RIPOR2: variants seen among roughly 807,000 people sequenced by gnomAD.
RIPOR2 encodes the protein RHO family interacting cell polarization regulator 2.
A neutral mutation model predicts 114.5 loss-of-function variants in RIPOR2; 39 were observed. That is an observed-to-expected ratio of 0.34 (90% CI 0.26 to 0.44). RIPOR2 has a LOEUF of 0.44. Ranked by LOEUF, RIPOR2 falls within the 20% of genes least tolerant of loss-of-function variation. RIPOR2 has a pLI of 1.00. For missense variants in RIPOR2, 1,007 were observed against 1,255.1 expected (o/e 0.80, Z 2.99); for synonymous variants, 445 against 484.4 (o/e 0.92, Z 1.07).
intron 1 of RIPOR2, among the ~76,000 whole-genome samples, chr6:24,988,459 C>A (rs1774635880): frequency 6.6e-6 from 1 of 152,194 alleles, no homozygotes. Context: ...CAGGCATGAG[C>A]CACCACGCCC....
At chr6:24,968,755 C>T (rs1262666166) in intron 1 of RIPOR2, among the ~76,000 whole-genome samples, 1 of 152,140 alleles carries the variant, frequency 6.6e-6, no homozygotes. Context: ...AATTCTGTGC[C>T]CTAGCATCTT....
At chr6:24,966,812 A>C (rs1276335687) in intron 1 of RIPOR2, among the ~76,000 whole-genome samples, 2 of 152,196 alleles carry the variant, frequency 1.3e-5, no homozygotes, top group African/African-American at 4.8e-5. Flanking sequence ...CCATGCAAAG[A>C]ATTTGTATCT....
At chr6:24,862,968 T>C (rs1369775638) in intron 7 of RIPOR2, among the ~76,000 whole-genome samples, 1 of 152,168 alleles carries the variant, frequency 6.6e-6, no homozygotes, top group Non-Finnish European at 1.5e-5. Context: ...TTTTTGTTTT[T>C]TTGAGATAGA....
chr6:25,018,551 G>T (rs747061733), intron 1 of RIPOR2, among the ~76,000 whole-genome samples: 2 of 152,024 alleles, frequency 1.3e-5, no homozygotes, highest in Non-Finnish European at 2.9e-5. Flanking sequence ...CAAACACAAT[G>T]TATTTATTTA....
chr6:24,976,048 T>C (rs1774023528), intron 1 of RIPOR2, among the ~76,000 whole-genome samples: 1 of 152,160 alleles, frequency 6.6e-6, no homozygotes, highest in African/African-American at 2.4e-5. Context: ...TATTAACACC[T>C]AAAGAAATGC....
At chr6:24,967,413 T>C (rs1287744130) in intron 1 of RIPOR2, among the ~76,000 whole-genome samples, 1 of 152,184 alleles carries the variant, frequency 6.6e-6, no homozygotes, top group Non-Finnish European at 1.5e-5. Flanking sequence ...AATCACAGTA[T>C]GGTGGAAGGA....
intron 1 of RIPOR2, among the ~76,000 whole-genome samples, chr6:24,995,768 C>T (rs1312708286): frequency 6.6e-6 from 1 of 151,916 alleles, no homozygotes; most frequent in African/African-American, 2.4e-5. Context: ...ATCTAACATC[C>T]CAAATCTACT....
At chr6:24,901,240 C>T (rs1768409359) in intron 1 of RIPOR2, among the ~76,000 whole-genome samples, 1 of 152,118 alleles carries the variant, frequency 6.6e-6, no homozygotes, top group South Asian at 2.1e-4. Flanking sequence ...TTTTTCAGTA[C>T]CTTTAGCCTG....
chr6:24,861,995 C>A lies in RIPOR2; in HGVS notation c.652-959G>T, dbSNP rs146500274. On this transcript the variant is annotated intron_variant, in intron 7 of 21. Transcript: ENST00000643898. ...CAGACTTCCTACTGCAAACCTACAG[C>A]GCCCCAAAAATTATTTTTGGGTCTG... Among the ~76,000 whole-genome samples the A allele has an allele frequency of 1.5e-4, 23 of 152,300 alleles. No individual in the cohort carries two copies. The East Asian group carries it at 4.4e-3, about 29-fold the overall frequency.
At chr6:25,023,518 G>A (rs1776432445) in intron 1 of RIPOR2, 2 of 772,542 alleles carry the variant, frequency 2.6e-6, no homozygotes, top group Non-Finnish European at 4.7e-6. Flanking sequence ...GGCTATGCCA[G>A]AAAGCGGTGT....
intron 1 of RIPOR2, among the ~76,000 whole-genome samples, chr6:24,966,500 C>T (rs1352314473): frequency 6.6e-6 from 1 of 152,186 alleles, no homozygotes; most frequent in African/African-American, 2.4e-5. Flanking sequence ...CGTGTTGGGT[C>T]CCTGCCGAGT....
chr6:24,851,659 C>T (rs889732185), intron 9 of RIPOR2, among the ~76,000 whole-genome samples: 5 of 151,468 alleles, frequency 3.3e-5, no homozygotes, highest in South Asian at 2.1e-4. Context: ...CTTTTTGGAG[C>T]ACATTTTTAC....
rs1315453762 is a variant in RIPOR2 at position 24,873,778 on chromosome 6, A to G, written c.210T>C (p.Asn70=). 1.9e-6 allele frequency: 3 copies of G among 1,611,760 alleles called. 1 individual carries two copies. Among genetic ancestry groups the G allele is most frequent in the Admixed American group, 3.4e-5 (2 of 59,394 alleles). Residue 70 remains asparagine, a synonymous_variant, in exon 3 of 22, where the codon AAT becomes AAC. Transcript: ENST00000643898. ...RRSRCNSFIE[N]SSALKKPQAK... is the part of the protein sequence containing the mutation. ...CCTGAGGCTTCTTGAGAGCGGAGGA[A>G]TTTTCAATGAAGGAGTTACACCTAT...
intron 2 of RIPOR2, among the ~76,000 whole-genome samples, chr6:24,875,400 A>G (rs1239055253): frequency 6.6e-6 from 1 of 152,222 alleles, no homozygotes; most frequent in East Asian, 1.9e-4. Flanking sequence ...TCTGAATGCA[A>G]TGGAAAATGT....
chr6:24,970,789 G>A (rs1423315222), intron 1 of RIPOR2, among the ~76,000 whole-genome samples: 2 of 152,168 alleles, frequency 1.3e-5, no homozygotes, highest in African/African-American at 4.8e-5. Flanking sequence ...GATTTCCATG[G>A]AGTTTATGTT....
chr6:24,954,154 C>T (rs997166632), intron 1 of RIPOR2, among the ~76,000 whole-genome samples: 2 of 152,114 alleles, frequency 1.3e-5, no homozygotes, highest in Non-Finnish European at 2.9e-5. Context: ...ACCTGGAGGG[C>T]GGGTTGGTAA....
intron 1 of RIPOR2, among the ~76,000 whole-genome samples, chr6:24,900,399 A>G (rs975283034): frequency 1.1e-4 from 16 of 152,234 alleles, no homozygotes; most frequent in African/African-American, 3.9e-4. Context: ...TAGAAATGCT[A>G]TTTAGTGATA....
At chr6:24,933,875 C>A (rs1304623380) in intron 1 of RIPOR2, among the ~76,000 whole-genome samples, 1 of 152,164 alleles carries the variant, frequency 6.6e-6, no homozygotes, top group African/African-American at 2.4e-5. Flanking sequence ...GGGACCTCAG[C>A]CATTCCACTA....
chr6:24,888,934 A>T (rs1349114048), intron 1 of RIPOR2, among the ~76,000 whole-genome samples: 1 of 152,258 alleles, frequency 6.6e-6, no homozygotes, highest in Non-Finnish European at 1.5e-5. Context: ...GGTTAGAGTT[A>T]AACCCTTGCA....
Sources: gnomAD v4.1 joint callset for allele counts (sites outside exome capture counted in the v4.1 genomes callset) on GRCh38, gnomAD v4.1.1 for gene constraint, MANE v1.5 for transcripts, NCBI Gene and HGNC (gene_info 2026-07-23, HGNC 2026-07-21) for gene names.